Variants in NXPE4 observed in about 807,000 individuals in gnomAD.
NXPE4 encodes the protein NXPE family member 4.
In NXPE4, 42 loss-of-function variants were observed where a neutral mutation model predicts 33.3. The ratio of observed to expected loss-of-function variants is 1.26; its 90% CI spans 0.98 to 1.63. The LOEUF is 1.63. Among genes scored for constraint, NXPE4 ranks in the 40% most tolerant of loss-of-function variants. The probability of loss-of-function intolerance (pLI) is 0.00; values close to 1 mark genes in which losing one functional copy is unlikely to be tolerated. For missense variants in NXPE4, 709 were observed against 647.6 expected (o/e 1.09, Z -1.03); for synonymous variants, 253 against 234.9 (o/e 1.08, Z -0.71).
At chr11:114,662,025 C>T in the NXPE4 span, among the ~76,000 whole-genome samples, 1 of 152,220 alleles carries the variant, frequency 6.6e-6, no homozygotes, top group South Asian at 2.1e-4. Flanking sequence ...TCTCCACCTA[C>T]CCCCCGCAAG....
At chr11:114,590,654 G>A (rs1949428996) in intron 2 of NXPE4, among the ~76,000 whole-genome samples, 1 of 152,130 alleles carries the variant, frequency 6.6e-6, no homozygotes, top group Non-Finnish European at 1.5e-5. Context: ...GAAAGGAATG[G>A]GCATGGGAAT....
At chr11:114,640,522 G>A in the NXPE4 span, among the ~76,000 whole-genome samples, 7 of 151,654 alleles carry the variant, frequency 4.6e-5, no homozygotes, top group African/African-American at 1.7e-4. Flanking sequence ...AGTTCTTTGA[G>A]AAACCTCCAT....
the NXPE4 span, among the ~76,000 whole-genome samples, chr11:114,606,182 T>C: frequency 1.3e-5 from 2 of 151,658 alleles, no homozygotes; most frequent in Non-Finnish European, 2.9e-5. Flanking sequence ...GCCTTGTGGG[T>C]AATCACAGTT....
chr11:114,590,315 G>A (rs1308647990), intron 2 of NXPE4, among the ~76,000 whole-genome samples: 2 of 152,178 alleles, frequency 1.3e-5, no homozygotes, highest in Non-Finnish European at 2.9e-5. Context: ...CCTTGGTAAA[G>A]TACCTTGGTT....
the NXPE4 span, among the ~76,000 whole-genome samples, chr11:114,648,997 C>T: frequency 6.6e-6 from 1 of 151,942 alleles, no homozygotes; most frequent in Admixed American, 6.6e-5. Flanking sequence ...TATTTTTATA[C>T]AAAAATAATA....
the NXPE4 span, among the ~76,000 whole-genome samples, chr11:114,659,627 A>G: frequency 6.6e-6 from 1 of 152,162 alleles, no homozygotes; most frequent in Non-Finnish European, 1.5e-5. Context: ...TTTTAATGAA[A>G]TGAATATGAA....
At chr11:114,610,699 G>A in the NXPE4 span, among the ~76,000 whole-genome samples, 1,304 of 151,058 alleles carry the variant, frequency 8.6e-3, 31 homozygotes, top group African/African-American at 0.03. Context: ...ACTGTTACCC[G>A]GTGGATAATA....
At chr11:114,635,987 G>T in the NXPE4 span, among the ~76,000 whole-genome samples, 3 of 152,056 alleles carry the variant, frequency 2.0e-5, no homozygotes, top group Non-Finnish European at 4.4e-5. Flanking sequence ...CATAAAATGA[G>T]TTAGGGAGGA....
chr11:114,594,199 C>T (rs1216521278), intron 2 of NXPE4, among the ~76,000 whole-genome samples: 2 of 152,000 alleles, frequency 1.3e-5, no homozygotes, highest in African/African-American at 4.8e-5. Context: ...GTTTGTAGCA[C>T]AAGAAAGGAT....
chr11:114,577,161 CATAT>C (rs373459330), intron 5 of NXPE4, among the ~76,000 whole-genome samples: 1 of 134,566 alleles, frequency 7.4e-6, no homozygotes. Context: ...ATATATGTGT[CATAT>C]ATATATATAT....
chr11:114,674,497 G>A, the NXPE4 span, among the ~76,000 whole-genome samples: 1 of 151,468 alleles, frequency 6.6e-6, no homozygotes, highest in African/African-American at 2.4e-5. Context: ...TATGTTTTAT[G>A]CAAACCTCAT....
At chr11:114,609,710 G>A in the NXPE4 span, among the ~76,000 whole-genome samples, 334 of 151,088 alleles carry the variant, frequency 2.2e-3, 2 homozygotes, top group African/African-American at 6.9e-3. Context: ...ACTGTTACCC[G>A]GTGGATAATA....
chr11:114,641,252 AAAT>A, the NXPE4 span, among the ~76,000 whole-genome samples: 1 of 152,110 alleles, frequency 6.6e-6, no homozygotes, highest in South Asian at 2.1e-4. Flanking sequence ...TGGAGGAAAG[AAAT>A]AATAATATCA....
Position 114,570,766 on chromosome 11 carries a change from C to A in NXPE4, c.*172G>T. The A allele has an allele frequency of 1.9e-6, 1 of 525,546 alleles. No homozygotes were observed. Among genetic ancestry groups the A allele is most frequent in the Non-Finnish European group, 3.3e-6 (1 of 300,792 alleles). The allele number at this position is 525,546 out of a possible 1,614,324, so 32.6% of individuals were successfully genotyped here. A position where few individuals can be genotyped will look rare whatever the true frequency, so the allele number is the denominator to read the frequency against. ...TTTAGTTTTATTTTTAAGTGGAAGCCCAGATTAGAAACATCTCATTTAGCT... is the reference window on the plus strand; with the variant it reads ...TTTAGTTTTATTTTTAAGTGGAAGCACAGATTAGAAACATCTCATTTAGCT... On this transcript the variant is annotated 3_prime_UTR_variant, in exon 6 of 6. Coordinates refer to ENST00000375478, the MANE Select transcript of NXPE4 (RefSeq NM_001077639.2).
upstream of NXPE4, among the ~76,000 whole-genome samples, chr11:114,596,561 A>G (rs1400158825): frequency 3.9e-5 from 6 of 152,206 alleles, no homozygotes; most frequent in Admixed American, 2.0e-4. Flanking sequence ...TTCTTCCAAC[A>G]TCTTTGATCC....
chr11:114,613,838 T>C, the NXPE4 span, among the ~76,000 whole-genome samples: 1 of 151,812 alleles, frequency 6.6e-6, no homozygotes, highest in Non-Finnish European at 1.5e-5. Context: ...TGTTACCCTG[T>C]GGATAATACG....
chr11:114,634,769 G>A, the NXPE4 span, among the ~76,000 whole-genome samples: 3 of 151,982 alleles, frequency 2.0e-5, no homozygotes, highest in Non-Finnish European at 2.9e-5. Context: ...AGATCAGATA[G>A]TTGTAGATAT....
chr11:114,577,007 A>C (rs1278899905), intron 5 of NXPE4, among the ~76,000 whole-genome samples: 6 of 33,312 alleles, frequency 1.8e-4, no homozygotes, highest in South Asian at 3.1e-3. Context: ...ATATATATAA[A>C]GTTATATATA....
At chr11:114,576,874 A>G (rs1949004534) in intron 5 of NXPE4, among the ~76,000 whole-genome samples, 1 of 151,290 alleles carries the variant, frequency 6.6e-6, no homozygotes. Context: ...TATACGAAAA[A>G]AATACTTGTA....
Sources: allele counts gnomAD v4.1 joint callset (sites outside exome capture counted in the v4.1 genomes callset), GRCh38; gene constraint gnomAD v4.1.1; transcripts MANE v1.5; gene names NCBI Gene and HGNC (gene_info 2026-07-23, HGNC 2026-07-21).